The following DSCAML1 variants were observed in gnomAD, a reference collection of about 807,000 sequenced individuals.
DSCAML1 encodes DS cell adhesion molecule like 1, also known as cell adhesion molecule DSCAML1.
In DSCAML1, 38 loss-of-function variants were observed where a neutral mutation model predicts 200.5. The observed-to-expected ratio is 0.19, with a 90% confidence interval of 0.15 to 0.25. The LOEUF (loss-of-function observed/expected upper bound fraction) is 0.25. DSCAML1 is among the 10% of genes least tolerant of loss of function. The pLI, the probability that DSCAML1 is intolerant of heterozygous loss-of-function variation, is 1.00. For missense variants in DSCAML1, 2,223 were observed against 2,858.8 expected, an observed-to-expected ratio of 0.78 and a Z score of 5.07; for synonymous variants, 1,215 against 1,165.0, an observed-to-expected ratio of 1.04 and a Z score of -0.87.
At chr11:117,764,586 C>G (rs536949528) in intron 3 of DSCAML1, among the ~76,000 whole-genome samples, 99 of 152,284 alleles carry the variant, frequency 6.5e-4, no homozygotes, top group African/African-American at 2.2e-3. Context: ...TTATGCCAAC[C>G]TAGGCATTTA....
intron 11 of DSCAML1, among the ~76,000 whole-genome samples, chr11:117,484,807 C>T (rs2049004687): frequency 6.6e-6 from 1 of 151,774 alleles, no homozygotes; most frequent in South Asian, 2.1e-4. Flanking sequence ...CCCCATGGGT[C>T]GGGCCCTGAG....
intron 8 of DSCAML1, among the ~76,000 whole-genome samples, chr11:117,507,525 C>G (rs1379801876): frequency 1.3e-5 from 2 of 152,186 alleles, no homozygotes; most frequent in Non-Finnish European, 2.9e-5. Flanking sequence ...ATCAGGAGCT[C>G]TAGGTCCAGA....
intron 3 of DSCAML1, among the ~76,000 whole-genome samples, chr11:117,583,845 C>T (rs1378400673): frequency 1.3e-5 from 2 of 152,258 alleles, no homozygotes; most frequent in Non-Finnish European, 2.9e-5. Flanking sequence ...TGGACCCCAT[C>T]AGACCCTGGT....
At chr11:117,464,473 T>C (rs2048539631) in intron 17 of DSCAML1, among the ~76,000 whole-genome samples, 1 of 152,130 alleles carries the variant, frequency 6.6e-6, no homozygotes, top group Admixed American at 6.5e-5. Flanking sequence ...GACTTAAAAA[T>C]CCTCTAAATC....
chr11:117,497,891 C>T (rs1051613038), intron 11 of DSCAML1, among the ~76,000 whole-genome samples: 4 of 152,258 alleles, frequency 2.6e-5, no homozygotes, highest in African/African-American at 7.2e-5. Flanking sequence ...CCCGCCTCCT[C>T]CCCCTGCTGC....
intron 1 of DSCAML1, among the ~76,000 whole-genome samples, chr11:117,782,880 C>T (rs1042403829): frequency 7.9e-5 from 12 of 152,028 alleles, no homozygotes; most frequent in African/African-American, 2.7e-4. Flanking sequence ...ACTAAGGCAC[C>T]GAGAGATCAA....
At chr11:117,454,306 C>T (rs899529969) in intron 19 of DSCAML1, among the ~76,000 whole-genome samples, 3 of 152,198 alleles carry the variant, frequency 2.0e-5, no homozygotes, top group African/African-American at 7.2e-5. Flanking sequence ...TCTGTATACA[C>T]ACTGAAGTTT....
chr11:117,506,815 G>A lies in DSCAML1; in HGVS notation c.1784-1083C>T, dbSNP rs148945776. 6.6e-3 allele frequency among the ~76,000 whole-genome samples: 1,000 copies of A among 152,242 alleles called. 10 individuals are homozygous for A. The highest frequency in any genetic ancestry group is 0.033 in the South Asian group (159 of 4,822). On this transcript the variant is annotated intron_variant, in intron 8 of 32. Transcript: ENST00000651296. The stretch of plus-strand genomic sequence containing the variant: ...TCCCACCTCAACATCGGAAAGTTCT[G>A]GGTTGACAGGCAAGAGCCACCACAC...
chr11:117,581,851 A>G (rs1330269772), intron 3 of DSCAML1, among the ~76,000 whole-genome samples: 1 of 152,160 alleles, frequency 6.6e-6, no homozygotes, highest in Admixed American at 6.5e-5. Context: ...AATATCAGCA[A>G]ATTTACTCAA....
Position 117,439,011 on chromosome 11 carries a change from G to A in DSCAML1, c.4145-28C>T, listed in dbSNP as rs375497704. ...GTGAGGGGAAAGCCACCACCCCTTA[G>A]CACAAGGGCGGACCCTGTGATGGGG... On this transcript the variant is annotated intron_variant, in intron 23 of 32. Transcript: ENST00000651296. 131 of 1,578,464 alleles carry A rather than the reference G, an allele frequency of 8.3e-5. No homozygotes were observed. The African/African-American group carries it at 1.4e-3, about 17-fold the overall frequency.
At chr11:117,500,694 C>T (rs1233649098) in intron 11 of DSCAML1, among the ~76,000 whole-genome samples, 1 of 152,136 alleles carries the variant, frequency 6.6e-6, no homozygotes, top group African/African-American at 2.4e-5. Context: ...TCAGGGAGCA[C>T]CATTAAGTGA....
rs1214044742 is a variant in DSCAML1, at chr11:117,646,755, A to G, written c.512-114233T>C. 2.6e-5 allele frequency among the ~76,000 whole-genome samples: 4 copies of G among 151,698 alleles called. No individual in the cohort carries two copies. The East Asian group carries it at 7.8e-4, about 29-fold the overall frequency. On this transcript the variant is annotated intron_variant, in intron 3 of 32. Transcript: ENST00000651296. ...TACCAGTCAATCAGGGCTTTCCCCA[A>G]CTCCCCAAGAGCTAGCTGTTAAACC...
Position 117,470,304 on chromosome 11 carries a change from G to A in DSCAML1, c.2954-324C>T, listed in dbSNP as rs114961367. On this transcript the variant is annotated intron_variant, in intron 15 of 32. Transcript: ENST00000651296. ...ATAAAAGAATGTCTAGGCCGGGCGCGGTGGCTCACACCTGTAATCCCAGCA... is the reference window on the plus strand; with the variant it reads ...ATAAAAGAATGTCTAGGCCGGGCGCAGTGGCTCACACCTGTAATCCCAGCA... Among the ~76,000 whole-genome samples the A allele has an allele frequency of 2.9e-3, 446 of 152,326 alleles. 3 individuals are homozygous for A. The highest frequency in any genetic ancestry group is 9.7e-3 in the African/African-American group (402 of 41,566).
At chr11:117,558,548 A>G (rs1052181845) in intron 3 of DSCAML1, among the ~76,000 whole-genome samples, 5 of 152,198 alleles carry the variant, frequency 3.3e-5, no homozygotes, top group African/African-American at 9.6e-5. Context: ...GGTGGATTGC[A>G]TGAGCCCAGG....
At chr11:117,447,322 A>G (rs1372641751) in intron 20 of DSCAML1, among the ~76,000 whole-genome samples, 1 of 152,194 alleles carries the variant, frequency 6.6e-6, no homozygotes, top group African/African-American at 2.4e-5. Flanking sequence ...AGAATATCTG[A>G]TGGTGTAGGA....
intron 21 of DSCAML1, among the ~76,000 whole-genome samples, chr11:117,441,832 C>A (rs578168642): frequency 2.7e-4 from 41 of 152,220 alleles, no homozygotes; most frequent in Admixed American, 5.2e-4. Flanking sequence ...CAGAGGGGTC[C>A]ACATGAAGAC....
At chr11:117,453,320 A>G (rs1383033230) in intron 19 of DSCAML1, among the ~76,000 whole-genome samples, 1 of 152,186 alleles carries the variant, frequency 6.6e-6, no homozygotes, top group East Asian at 1.9e-4. Context: ...ATTTACCCAT[A>G]CATTCAGCAT....
chr11:117,733,339 C>T (rs914554383), intron 3 of DSCAML1, among the ~76,000 whole-genome samples: 6 of 152,136 alleles, frequency 3.9e-5, no homozygotes, highest in South Asian at 2.1e-4. Context: ...CACTGCCTCC[C>T]GAAGAATCCC....
In DSCAML1 at chr11:117,443,949, C is replaced by T. The variant is rs1266706555; in HGVS notation, c.3799G>A (p.Ala1267Thr). The T allele has an allele frequency of 1.2e-6, 2 of 1,613,182 alleles. No individual in the cohort carries two copies. Among genetic ancestry groups the T allele is most frequent in the Non-Finnish European group, 8.5e-7 (1 of 1,179,748 alleles). Residue 1267 changes from alanine to threonine, a missense_variant, in exon 21 of 33, where the codon GCC becomes ACC. By Grantham distance (58) the Ala-to-Thr change is moderately conservative. Around this residue, in one of 7 missense-constraint regions of DSCAML1, gnomAD observed 614 missense variants for 739.1 expected, o/e 0.83. Coordinates refer to ENST00000651296, the MANE Select transcript of DSCAML1 (RefSeq NM_020693.4). Reference protein sequence around the residue: ...RGQQYLLWVAAVTSAGRGNSS... With the variant: ...RGQQYLLWVATVTSAGRGNSS... Reference sequence around the variant, plus strand: ...TTGCCCCGGCCGGCAGAGGTGACGGCGGCCACCCACAGCAGATACTGCTGA... The same window carrying T: ...TTGCCCCGGCCGGCAGAGGTGACGGTGGCCACCCACAGCAGATACTGCTGA...
Sources: gnomAD v4.1 joint callset for allele counts (sites outside exome capture counted in the v4.1 genomes callset) on GRCh38, gnomAD v4.1.1 for gene constraint, gnomAD v4.1.1 regional missense constraint, MANE v1.5 for transcripts, NCBI Gene and HGNC (gene_info 2026-07-23, HGNC 2026-07-21) for gene names.